PLCZ1: variants seen among roughly 807,000 people sequenced by gnomAD.
PLCZ1 encodes the protein phospholipase C zeta 1.
PLCZ1 carries 64 observed loss-of-function variants against 76.8 expected under a neutral mutation model. The observed-to-expected ratio is 0.83, with a 90% CI of 0.68 to 1.03. The LOEUF is 1.03. PLCZ1 is among the 50% of genes least tolerant of loss of function. PLCZ1 has a pLI of 0.00. For synonymous variants in PLCZ1, 248 were observed against 230.8 expected (o/e 1.07, Z -0.68); for missense variants, 751 against 713.7 (o/e 1.05, Z -0.60).
At position 18,723,520 on chromosome 12, in the gene PLCZ1, C is replaced by T; in HGVS notation, c.158G>A (p.Gly53Glu). 1 of 1,612,314 alleles carries T rather than the reference C, an allele frequency of 6.2e-7. No homozygotes were observed. ...IFKDNDRLKQ[G>E]RITIEEFRAI... ...TCTAAATTCTTCTATGGTGATTCTT[C>T]CTTGTTTCAGCCTGTCATTGTCCTA... The change falls in exon 4 of 15, where the codon GGA becomes GAA. Residue 53 changes from glycine (G) to glutamate (E), a missense_variant. Physicochemically the swap from Gly to Glu is moderately conservative, Grantham distance 98. Coordinates refer to ENST00000266505, the MANE Select transcript of PLCZ1 (RefSeq NM_033123.4).
chr12:18,732,236 C>T (rs1408823153), intron 3 of PLCZ1, among the ~76,000 whole-genome samples: 2 of 152,144 alleles, frequency 1.3e-5, no homozygotes, highest in African/African-American at 4.8e-5. Context: ...ACTACAGCCT[C>T]TATCTCCTGA....
intron 4 of PLCZ1, among the ~76,000 whole-genome samples, chr12:18,722,773 A>G (rs1196277848): frequency 6.6e-6 from 1 of 152,102 alleles, no homozygotes; most frequent in Non-Finnish European, 1.5e-5. Flanking sequence ...GTGTTCAAAA[A>G]TGAAGAACAA....
chr12:18,662,077 A>T, the PLCZ1 span, among the ~76,000 whole-genome samples: 1 of 152,144 alleles, frequency 6.6e-6, no homozygotes, highest in Admixed American at 6.6e-5. Flanking sequence ...CTAAATCTTG[A>T]GTACACATGG....
chr12:18,709,235 G>A (rs1015924045), intron 6 of PLCZ1, among the ~76,000 whole-genome samples: 18 of 137,372 alleles, frequency 1.3e-4, no homozygotes, highest in Admixed American at 5.3e-4. Flanking sequence ...TTAGCATGTC[G>A]AAATTCAGTT....
chr12:18,652,919 T>A, the PLCZ1 span, among the ~76,000 whole-genome samples: 1 of 151,716 alleles, frequency 6.6e-6, no homozygotes, highest in South Asian at 2.1e-4. Flanking sequence ...AGAATATACA[T>A]ATTCTGTCTC....
chr12:18,648,679 G>T, the PLCZ1 span, among the ~76,000 whole-genome samples: 1 of 152,112 alleles, frequency 6.6e-6, no homozygotes, highest in South Asian at 2.1e-4. Flanking sequence ...ACTTGGTTAT[G>T]CCTGGACTCC....
chr12:18,725,811 C>T (rs1565735940), intron 3 of PLCZ1, among the ~76,000 whole-genome samples: 1 of 151,980 alleles, frequency 6.6e-6, no homozygotes, highest in East Asian at 1.9e-4. Context: ...CCGGAATATC[C>T]TTCTTTCTGT....
At chr12:18,725,791 G>GT (rs1255051612) in intron 3 of PLCZ1, among the ~76,000 whole-genome samples, 1 of 151,940 alleles carries the variant, frequency 6.6e-6, no homozygotes, top group African/African-American at 2.4e-5. Context: ...TTGTTTGTTT[G>GT]TTTTTCTTTC....
At chr12:18,664,213 G>A in the PLCZ1 span, among the ~76,000 whole-genome samples, 2 of 152,284 alleles carry the variant, frequency 1.3e-5, no homozygotes, top group East Asian at 3.9e-4. Flanking sequence ...ACACAGTTTG[G>A]TGGTTCCTCA....
the PLCZ1 span, among the ~76,000 whole-genome samples, chr12:18,659,149 A>G: frequency 6.6e-6 from 1 of 152,108 alleles, no homozygotes; most frequent in Admixed American, 6.5e-5. Flanking sequence ...ATAAACAGTA[A>G]CCATAATTCT....
rs80228082 is a variant in PLCZ1, at chr12:18,713,371, A to G, written c.570-385T>C. On this transcript the variant is annotated intron_variant, in intron 5 of 14. Transcript: ENST00000266505. Reference sequence around the variant, plus strand: ...TACTGTTCAATGCCATACCATTCAAAAGTGATAATGTTCAAAGCCCTCTCA... The same window carrying G: ...TACTGTTCAATGCCATACCATTCAAGAGTGATAATGTTCAAAGCCCTCTCA... Among the ~76,000 whole-genome samples, 1,518 of 152,256 alleles carry G rather than the reference A, an allele frequency of 1.0e-2. 29 individuals are homozygous for G. Among genetic ancestry groups the G allele is most frequent in the African/African-American group, 0.035 (1,456 of 41,550 alleles).
At chr12:18,656,265 C>G in the PLCZ1 span, among the ~76,000 whole-genome samples, 6 of 152,036 alleles carry the variant, frequency 3.9e-5, no homozygotes, top group Non-Finnish European at 8.8e-5. Context: ...CCTGTCTATA[C>G]CAAAAAAGCA....
chr12:18,720,064 TAG>T (rs1958351351), intron 4 of PLCZ1, among the ~76,000 whole-genome samples: 1 of 152,110 alleles, frequency 6.6e-6, no homozygotes, highest in African/African-American at 2.4e-5. Context: ...AAGCATAGAT[TAG>T]TTTTCTTTGG....
the PLCZ1 span, among the ~76,000 whole-genome samples, chr12:18,661,914 C>T: frequency 1.3e-5 from 2 of 152,072 alleles, no homozygotes; most frequent in Non-Finnish European, 2.9e-5. Context: ...AGTACACATA[C>T]ACCATGAAAT....
the PLCZ1 span, among the ~76,000 whole-genome samples, chr12:18,667,408 A>G: frequency 6.6e-6 from 1 of 152,176 alleles, no homozygotes; most frequent in Non-Finnish European, 1.5e-5. Flanking sequence ...ACCTGTATCT[A>G]TCTGCTCTCA....
rs534662336 is a variant in PLCZ1, at chr12:18,685,106, C to G, written c.1592-827G>C. Among the ~76,000 whole-genome samples the G allele has an allele frequency of 2.6e-5, 4 of 152,180 alleles. No individual in the cohort carries two copies. In the South Asian group the frequency reaches 8.3e-4, roughly 32 times the overall value. ...AGAGCAATATGAAAATGGACTAATA[C>G]AGTCAGTCTTATTATGGGAAGAGTT... On this transcript the variant is annotated intron_variant, in intron 13 of 14. Transcript: ENST00000266505.
In PLCZ1 at chr12:18,683,535, A is replaced by G. The variant is rs139931005; in HGVS notation, c.1742-211T>C. ...CCTAACTGCCCAAAACTGAATACACAGCTCATACTTCTCCTTCCGCAAAGC... is the reference window on the plus strand; with the variant it reads ...CCTAACTGCCCAAAACTGAATACACGGCTCATACTTCTCCTTCCGCAAAGC... On this transcript the variant is annotated intron_variant, in intron 14 of 14. Coordinates refer to ENST00000266505, the MANE Select transcript of PLCZ1 (RefSeq NM_033123.4). 2.0e-6 allele frequency: 3 copies of G among 1,510,572 alleles called. No homozygotes were observed. The African/African-American group carries it at 4.1e-5, about 21-fold the overall frequency. The allele number at this position is 1,510,572 out of a possible 1,614,324, so 93.6% of individuals were successfully genotyped here. A position where few individuals can be genotyped will look rare whatever the true frequency, so the allele number is the denominator to read the frequency against.
intron 5 of PLCZ1, 52 bp downstream of exon 5, chr12:18,719,379 A>C: frequency 6.4e-6 from 7 of 1,092,454 alleles, no homozygotes; most frequent in Non-Finnish European, 8.7e-6. Context: ...AGACACTGCC[A>C]GGAACTTCCA....
downstream of PLCZ1, among the ~76,000 whole-genome samples, chr12:18,680,792 T>C (rs1952337388): frequency 6.6e-6 from 1 of 151,986 alleles, no homozygotes; most frequent in Non-Finnish European, 1.5e-5. Context: ...ACTATTGGAT[T>C]TGGGCTTGGA....
Sources: gnomAD v4.1 joint callset for allele counts (sites outside exome capture counted in the v4.1 genomes callset) on GRCh38, gnomAD v4.1.1 for gene constraint, MANE v1.5 for transcripts, NCBI Gene and HGNC (gene_info 2026-07-23, HGNC 2026-07-21) for gene names.